ART3: variants seen among roughly 807,000 people sequenced by gnomAD.
ART3 encodes the protein ecto-ADP-ribosyltransferase 3.
ART3 carries 49 observed loss-of-function variants against 48.5 expected under a neutral mutation model. That is an observed-to-expected ratio of 1.01 (90% CI 0.80 to 1.28). ART3 has a LOEUF of 1.28. Among genes scored for constraint, ART3 ranks in the 50% most tolerant of loss-of-function variants. The pLI is 0.00. For synonymous variants in ART3, 145 were observed against 157.2 expected (o/e 0.92, Z 0.58); for missense variants, 438 against 454.3 (o/e 0.96, Z 0.33).
intron 1 of ART3, among the ~76,000 whole-genome samples, chr4:76,018,038 A>G (rs1420745506): frequency 6.6e-6 from 1 of 152,246 alleles, no homozygotes; most frequent in East Asian, 1.9e-4. Context: ...AGCAGCTTGG[A>G]TATTTCTCAA....
At position 76,080,407 on chromosome 4, in the gene ART3, C is replaced by T. The variant is rs559983297; in HGVS notation, c.70-1417C>T. 1.3e-3 allele frequency among the ~76,000 whole-genome samples: 200 copies of T among 152,238 alleles called. 1 individual carries two copies. Among genetic ancestry groups the T allele is most frequent in the Non-Finnish European group, 2.3e-3 (157 of 68,010 alleles). On this transcript the variant is annotated intron_variant, in intron 2 of 11. Coordinates refer to ENST00000355810, the MANE Select transcript of ART3 (RefSeq NM_001130016.3). ...CGGCATGTTAAAGACTTGATATGTG[C>T]CAGGCATGGGGCAGAGGGCTTTGCA...
chr4:76,081,992 C>T lies in ART3; in HGVS notation c.238C>T (p.Arg80Ter), dbSNP rs753946318. ...AAATGCAAAAGCCAAATGGGCAGCC[C>T]GAAAGACTCAAATCTTTCTCCCTAT... is the stretch of plus-strand genomic sequence containing the variant. ...WENAKAKWAARKTQIFLPMNF... is the reference protein window; with the variant it reads ...WENAKAKWAA The change falls in exon 3 of 12, where the codon CGA (arginine) becomes TGA (stop). Residue 80 changes from arginine to a stop codon, truncating the protein, a stop_gained. Transcript: ENST00000355810. LOFTEE classifies it high-confidence loss of function. The T allele has an allele frequency of 6.8e-6, 11 of 1,614,000 alleles. 1 individual carries two copies. The highest frequency in any genetic ancestry group is 1.6e-4 in the Middle Eastern group (1 of 6,084).
chr4:76,041,397 G>A (rs577987890), intron 1 of ART3: 1 of 152,120 alleles, frequency 6.6e-6, no homozygotes, highest in South Asian at 2.1e-4. Flanking sequence ...CCTTTCCTTC[G>A]TTTAAGTCTT....
At chr4:76,111,199 C>T (rs996731426) in intron 11 of ART3, among the ~76,000 whole-genome samples, 1 of 151,848 alleles carries the variant, frequency 6.6e-6, no homozygotes, top group African/African-American at 2.4e-5. Context: ...AATTGCACAT[C>T]ACAGCAAAAA....
At chr4:76,013,407 C>G (rs1731979192) in intron 1 of ART3, among the ~76,000 whole-genome samples, 2 of 152,036 alleles carry the variant, frequency 1.3e-5, no homozygotes, top group African/African-American at 4.8e-5. Flanking sequence ...AGAATTTTAA[C>G]TAAGGGAATA....
intron 1 of ART3, chr4:76,041,246 T>C (rs1734946586): frequency 1.3e-5 from 2 of 152,244 alleles, no homozygotes; most frequent in African/African-American, 2.4e-5. Context: ...TCTGGCTCTA[T>C]ACTCTCTGAC....
chr4:76,104,373 G>A (rs961648025), intron 9 of ART3: 7 of 985,252 alleles, frequency 7.1e-6, no homozygotes, highest in Non-Finnish European at 8.4e-6. Flanking sequence ...TATTCTCCTG[G>A]CATAAACATG....
Position 76,081,828 on chromosome 4 carries a change from A to C in ART3, c.74A>C (p.Lys25Thr). ...TMILVDIFQV[K>T]AEVLDMADNA... ...TAATTTCTTTTTCCTTTGAAGGTGA[A>C]GGCTGAAGTGTTAGACATGGCAGAT... The change falls in exon 3 of 12, where the codon AAG (lysine) becomes ACG (threonine). Residue 25 changes from lysine (K) to threonine (T), a missense_variant. Around this residue, in one of 3 missense-constraint regions of ART3, gnomAD observed 206 missense variants for 205.3 expected, o/e 1.00. Transcript: ENST00000355810. The C allele has an allele frequency of 1.2e-6, 2 of 1,609,464 alleles. No individual in the cohort carries two copies. The highest frequency in any genetic ancestry group is 2.2e-5 in the South Asian group (2 of 90,404).
At chr4:76,073,811 C>T (rs921347225), upstream of ART3, among the ~76,000 whole-genome samples, 3 of 152,094 alleles carry the variant, frequency 2.0e-5, no homozygotes, top group African/African-American at 7.2e-5. Flanking sequence ...TATAAACATG[C>T]TTGTATCTCT....
chr4:76,035,480 G>T, intron 1 of ART3: 1 of 742,546 alleles, frequency 1.3e-6, no homozygotes, highest in Non-Finnish European at 2.1e-6. Context: ...TAACACAACT[G>T]TTACTGGGAA....
chr4:76,069,079 A>T (rs1720034636), intron 1 of ART3, among the ~76,000 whole-genome samples: 1 of 152,230 alleles, frequency 6.6e-6, no homozygotes, highest in Non-Finnish European at 1.5e-5. Context: ...GTCATAAAAA[A>T]TTACATACTG....
At chr4:76,025,236 A>G (rs1733270585) in intron 1 of ART3, among the ~76,000 whole-genome samples, 1 of 152,192 alleles carries the variant, frequency 6.6e-6, no homozygotes, top group Admixed American at 6.5e-5. Flanking sequence ...TGCAGAACAA[A>G]CATTTTACTG....
At chr4:76,096,227 A>G (rs924986596) in intron 3 of ART3, among the ~76,000 whole-genome samples, 4 of 152,098 alleles carry the variant, frequency 2.6e-5, no homozygotes, top group Non-Finnish European at 5.9e-5. Context: ...CCCTGAGACA[A>G]CATTTTGTAA....
At chr4:76,107,183 T>C (rs1458742593) in intron 10 of ART3, 3 of 152,232 alleles carry the variant, frequency 2.0e-5, no homozygotes, top group East Asian at 1.9e-4. Context: ...TTTTGACTTA[T>C]GGTATTTTCA....
chr4:76,039,089 G>T (rs906449389), intron 1 of ART3, among the ~76,000 whole-genome samples: 1 of 145,250 alleles, frequency 6.9e-6, no homozygotes, highest in Non-Finnish European at 1.5e-5. Context: ...TATAGACTGG[G>T]GATAATAATA....
chr4:76,030,854 A>G (rs1733811650), intron 1 of ART3, among the ~76,000 whole-genome samples: 1 of 152,138 alleles, frequency 6.6e-6, no homozygotes, highest in South Asian at 2.1e-4. Context: ...TGTGTATACC[A>G]CATTTTATCC....
At chr4:76,084,950 T>C (rs1429111826) in intron 3 of ART3, among the ~76,000 whole-genome samples, 1 of 152,134 alleles carries the variant, frequency 6.6e-6, no homozygotes, top group Non-Finnish European at 1.5e-5. Context: ...ATATATTGTA[T>C]TTTATATGTG....
chr4:76,067,753 A>G (rs1223810785), intron 1 of ART3, among the ~76,000 whole-genome samples: 1 of 152,228 alleles, frequency 6.6e-6, no homozygotes, highest in African/African-American at 2.4e-5. Flanking sequence ...TCAAAGTTGA[A>G]AGTTTTCTTT....
At chr4:76,011,706 C>T (rs1243687087) in intron 1 of ART3, among the ~76,000 whole-genome samples, 1 of 152,230 alleles carries the variant, frequency 6.6e-6, no homozygotes, top group African/African-American at 2.4e-5. Flanking sequence ...CCTGACCCTA[C>T]TTCGTGGTGA....
Sources: gnomAD v4.1 joint callset for allele counts (sites outside exome capture counted in the v4.1 genomes callset) on GRCh38, gnomAD v4.1.1 for gene constraint, gnomAD v4.1.1 regional missense constraint, MANE v1.5 for transcripts, NCBI Gene and HGNC (gene_info 2026-07-23, HGNC 2026-07-21) for gene names.